Variants in ASAP1 observed in about 807,000 individuals in gnomAD.
ASAP1 encodes arf-GAP with SH3 domain, ANK repeat and PH domain-containing protein 1.
A neutral mutation model predicts 145.2 loss-of-function variants in ASAP1; 43 were observed. That is an observed-to-expected ratio of 0.30 (90% CI 0.23 to 0.38). The LOEUF (loss-of-function observed/expected upper bound fraction) is 0.38, where lower values mean the gene tolerates loss of function less well. Ranked by LOEUF, ASAP1 falls within the 10% of genes least tolerant of loss-of-function variation. The pLI, the probability that ASAP1 is intolerant of heterozygous loss-of-function variation, is 1.00. For synonymous variants in ASAP1, 546 were observed against 515.5 expected (o/e 1.06, Z -0.80); for missense variants, 1,018 against 1,355.3 (o/e 0.75, Z 3.91).
intron 3 of ASAP1, among the ~76,000 whole-genome samples, chr8:130,301,201 T>A (rs1461094305): frequency 6.6e-6 from 1 of 152,066 alleles, no homozygotes; most frequent in Non-Finnish European, 1.5e-5. Context: ...TAGGCTACCT[T>A]CCCCCACCTC....
chr8:130,362,518 ATAATC>A (rs1437915689), intron 2 of ASAP1, among the ~76,000 whole-genome samples: 2 of 152,240 alleles, frequency 1.3e-5, no homozygotes, highest in Non-Finnish European at 2.9e-5. Context: ...TGCATAGTGA[ATAATC>A]AACCAATGTG....
At chr8:130,107,490 T>G (rs1009476210) in intron 24 of ASAP1, among the ~76,000 whole-genome samples, 1 of 144,990 alleles carries the variant, frequency 6.9e-6, no homozygotes, top group Non-Finnish European at 1.5e-5. Context: ...CGGCCCATAG[T>G]CTCTCTTTTT....
chr8:130,386,915 T>C (rs1586952982), intron 2 of ASAP1: 3 of 152,328 alleles, frequency 2.0e-5, no homozygotes, highest in Admixed American at 2.0e-4. Flanking sequence ...TTACCAACGC[T>C]CAAGAAAACC....
chr8:130,256,445 T>A (rs2136920107), intron 3 of ASAP1, among the ~76,000 whole-genome samples: 1 of 152,070 alleles, frequency 6.6e-6, no homozygotes, highest in East Asian at 1.9e-4. Context: ...CCACTCTGAA[T>A]TCATTCATTT....
chr8:130,091,869 G>T, intron 25 of ASAP1, 104 bp downstream of exon 25: 1 of 1,244,208 alleles, frequency 8.0e-7, no homozygotes, highest in Non-Finnish European at 1.1e-6. Context: ...GCATGTGTGT[G>T]CATTTTGGCA....
chr8:130,095,683 A>G lies in ASAP1; in HGVS notation c.2402-3540T>C, dbSNP rs546052009. ...ACCCAGGTTGGAGTGCAGTGGTGTA[A>G]TCTCGGCTCACTGCAACTTCTGCCT... On this transcript the variant is annotated intron_variant, in intron 24 of 29. Transcript: ENST00000518721. 2.3e-4 allele frequency among the ~76,000 whole-genome samples: 34 copies of G among 150,644 alleles called. No individual in the cohort carries two copies. The South Asian group carries it at 7.0e-3, about 31-fold the overall frequency.
At chr8:130,374,513 T>C (rs1827387345) in intron 2 of ASAP1, among the ~76,000 whole-genome samples, 1 of 152,156 alleles carries the variant, frequency 6.6e-6, no homozygotes, top group African/African-American at 2.4e-5. Context: ...TCCCAGCACT[T>C]TGGGAGGCCG....
intron 9 of ASAP1, among the ~76,000 whole-genome samples, chr8:130,174,794 A>G (rs1237851020): frequency 6.6e-6 from 1 of 152,220 alleles, no homozygotes; most frequent in Non-Finnish European, 1.5e-5. Context: ...AATGTTTTAA[A>G]TGTTCACCCA....
chr8:130,345,741 G>A (rs1362410738), intron 3 of ASAP1, among the ~76,000 whole-genome samples: 1 of 152,140 alleles, frequency 6.6e-6, no homozygotes, highest in East Asian at 1.9e-4. Context: ...GAAAGCCAAG[G>A]CAGGCCAATC....
chr8:130,116,247 CAA>C (rs999712109), intron 22 of ASAP1, among the ~76,000 whole-genome samples: 54 of 152,234 alleles, frequency 3.5e-4, no homozygotes, highest in African/African-American at 1.3e-3. Context: ...CTAGTAGGGT[CAA>C]AAAAGGTGAA....
chr8:130,324,160 T>C (rs998702491), intron 3 of ASAP1, among the ~76,000 whole-genome samples: 4 of 152,226 alleles, frequency 2.6e-5, no homozygotes, highest in East Asian at 3.9e-4. Flanking sequence ...CAGGAAGATC[T>C]GGACGGTTCT....
intron 16 of ASAP1, among the ~76,000 whole-genome samples, chr8:130,126,480 T>C (rs778522731): frequency 6.6e-6 from 1 of 152,184 alleles, no homozygotes; most frequent in Non-Finnish European, 1.5e-5. Context: ...GCAACTAACA[T>C]TAACCTCAAC....
At chr8:130,203,093 A>T (rs543683506) in intron 5 of ASAP1, among the ~76,000 whole-genome samples, 33 of 152,310 alleles carry the variant, frequency 2.2e-4, no homozygotes, top group African/African-American at 7.9e-4. Flanking sequence ...TTGAATTAAA[A>T]AAAAAACACA....
chr8:130,252,554 T>C lies in ASAP1; in HGVS notation c.187-15560A>G, dbSNP rs117697847. 9.4e-3 allele frequency among the ~76,000 whole-genome samples: 1,432 copies of C among 152,284 alleles called. 15 individuals carry two copies. The highest frequency in any genetic ancestry group is 0.012 in the Non-Finnish European group (811 of 68,022). On this transcript the variant is annotated intron_variant, in intron 3 of 29. Coordinates refer to ENST00000518721, the MANE Select transcript of ASAP1 (RefSeq NM_018482.4). ...TGGTACATACTCTCAGTAATCTCCA[T>C]GTTGCCTTGTGAACTGTACATTTAA...
intron 5 of ASAP1, chr8:130,195,124 C>T (rs2136274920): frequency 6.6e-6 from 1 of 152,156 alleles, no homozygotes; most frequent in East Asian, 1.9e-4. Context: ...ATTTCCTTTC[C>T]TTTATTCATT....
At chr8:130,263,110 T>C (rs1259441975) in intron 3 of ASAP1, among the ~76,000 whole-genome samples, 1 of 152,228 alleles carries the variant, frequency 6.6e-6, no homozygotes, top group Non-Finnish European at 1.5e-5. Flanking sequence ...TGACTTGGCA[T>C]ATAGTGTCTG....
At chr8:130,355,368 T>C (rs770023983) in intron 3 of ASAP1, among the ~76,000 whole-genome samples, 3 of 152,176 alleles carry the variant, frequency 2.0e-5, no homozygotes, top group Non-Finnish European at 4.4e-5. Context: ...GTATGTGCAT[T>C]AGTGATCTAA....
intron 3 of ASAP1, among the ~76,000 whole-genome samples, chr8:130,264,448 T>C (rs776282771): frequency 3.9e-5 from 6 of 152,142 alleles, no homozygotes; most frequent in Non-Finnish European, 7.4e-5. Flanking sequence ...GCAGGACTTA[T>C]CCTCCCTTTC....
chr8:130,269,821 G>C (rs1820482547), intron 3 of ASAP1, among the ~76,000 whole-genome samples: 1 of 152,184 alleles, frequency 6.6e-6, no homozygotes, highest in African/African-American at 2.4e-5. Flanking sequence ...AGATAAATGT[G>C]CTAAGTGTGT....
Sources: gnomAD v4.1 joint callset for allele counts (sites outside exome capture counted in the v4.1 genomes callset) on GRCh38, gnomAD v4.1.1 for gene constraint, MANE v1.5 for transcripts, NCBI Gene and HGNC (gene_info 2026-07-23, HGNC 2026-07-21) for gene names.